CAST: variants seen among roughly 807,000 people sequenced by gnomAD.
CAST encodes MIR583 host.
A neutral mutation model predicts 119.6 loss-of-function variants in CAST; 76 were observed. That is an observed-to-expected ratio of 0.64 (90% CI 0.53 to 0.77). The LOEUF (loss-of-function observed/expected upper bound fraction) is 0.77, where lower values mean the gene tolerates loss of function less well. CAST is among the 30% of genes least tolerant of loss of function. The pLI, the probability that CAST is intolerant of heterozygous loss-of-function variation, is 0.00. For synonymous variants in CAST, 319 were observed against 331.6 expected (o/e 0.96, Z 0.41); for missense variants, 953 against 946.5 (o/e 1.01, Z -0.09).
At chr5:96,419,036 A>G in the CAST span, among the ~76,000 whole-genome samples, 132 of 152,146 alleles carry the variant, frequency 8.7e-4, no homozygotes, top group African/African-American at 2.9e-3. Context: ...TCCAAGCCAT[A>G]TATATGTGTA....
rs10063542 is a variant in CAST, at chr5:96,640,249, G to A, written c.61-35290G>A. Among the ~76,000 whole-genome samples the A allele has an allele frequency of 9.0e-3, 1,366 of 152,286 alleles. 11 individuals are homozygous for A. Among genetic ancestry groups the A allele is most frequent in the Non-Finnish European group, 0.013 (868 of 68,020 alleles). ...GACCTTGTGGTGCTTCTTGGATTAC[G>A]CTGGGCTTTATGCATGGATAGCAGA... is the stretch of plus-strand genomic sequence containing the variant. On this transcript the variant is annotated intron_variant, in intron 1 of 11. Coordinates refer to the CAST transcript ENST00000505143.
At chr5:96,561,786 G>GTTTTTTTTTTTTTTT (rs1554067776) in intron 1 of CAST, among the ~76,000 whole-genome samples, 1 of 105,432 alleles carries the variant, frequency 9.5e-6, no homozygotes, top group Non-Finnish European at 1.9e-5. Context: ...TTATATATAT[G>GTTTTTTTTTTTTTTT]TTTTTTTTTG....
the CAST span, among the ~76,000 whole-genome samples, chr5:96,166,500 A>G: frequency 6.6e-6 from 1 of 152,204 alleles, no homozygotes; most frequent in Admixed American, 6.5e-5. Flanking sequence ...CCCAGGATAC[A>G]GAAACACCAT....
At chr5:96,592,294 G>C (rs966964339) in intron 1 of CAST, among the ~76,000 whole-genome samples, 1 of 151,978 alleles carries the variant, frequency 6.6e-6, no homozygotes, top group African/African-American at 2.4e-5. Flanking sequence ...CTAGCTGCTT[G>C]GGAGGCTGAG....
chr5:96,622,183 C>T (rs781248769), intron 1 of CAST, among the ~76,000 whole-genome samples: 20 of 151,716 alleles, frequency 1.3e-4, no homozygotes, highest in Admixed American at 7.9e-4. Flanking sequence ...TTGGCCAGGA[C>T]GGTCTCTATC....
Position 96,771,687 on chromosome 5 carries a change from C to T in CAST, c.*8C>T. The T allele has an allele frequency of 6.2e-7, 1 of 1,608,226 alleles. No individual in the cohort carries two copies. The highest frequency in any genetic ancestry group is 8.5e-7 in the Non-Finnish European group (1 of 1,175,220). ...AAGCCAAAAGATGACTAAAGAAATA[C>T]AAGTTAAGGTATCTGGTAAGTTGGG... On this transcript the variant is annotated 3_prime_UTR_variant, in exon 31 of 32. Coordinates refer to ENST00000675179, the MANE Select transcript of CAST (RefSeq NM_001750.7).
At chr5:96,752,933 T>G (rs953504255) in intron 20 of CAST, among the ~76,000 whole-genome samples, 2 of 150,650 alleles carry the variant, frequency 1.3e-5, no homozygotes, top group African/African-American at 4.9e-5. Context: ...AGAATAGTAT[T>G]TATCCCTTCT....
At position 96,766,056 on chromosome 5, in the gene CAST, A is replaced by G. The variant is rs1561617817; in HGVS notation, c.2041A>G (p.Lys681Glu). ...NKPMEDKVKE[K>E]AKAEHRDKLG... ...TATCTGCTCACTGTTGATATAGGAA[A>G]AAGCTAAAGCTGAACATAGAGACAA... The change falls in exon 27 of 32, where the codon AAA becomes GAA. Residue 681 changes from lysine (K) to glutamate (E), a missense_variant. Transcript: ENST00000675179. The G allele has an allele frequency of 1.3e-6, 2 of 1,586,738 alleles. No individual in the cohort carries two copies. Among genetic ancestry groups the G allele is most frequent in the Admixed American group, 1.7e-5 (1 of 59,208 alleles).
the CAST span, among the ~76,000 whole-genome samples, chr5:96,045,798 G>A: frequency 6.6e-6 from 1 of 152,008 alleles, no homozygotes. Flanking sequence ...TAACCATGAT[G>A]TCCTATTGCC....
the CAST span, among the ~76,000 whole-genome samples, chr5:96,450,096 A>G: frequency 6.6e-6 from 1 of 152,218 alleles, no homozygotes; most frequent in Admixed American, 6.5e-5. Context: ...ATTTTTATCA[A>G]ATGCACTTGT....
intron 1 of CAST, among the ~76,000 whole-genome samples, chr5:96,533,661 C>T (rs1203228509): frequency 6.6e-6 from 1 of 152,080 alleles, no homozygotes; most frequent in Admixed American, 6.6e-5. Flanking sequence ...CCATGCACTT[C>T]CATAGAAAAA....
At chr5:96,766,651 CA>C (rs1770081503) in intron 27 of CAST, among the ~76,000 whole-genome samples, 1 of 152,140 alleles carries the variant, frequency 6.6e-6, no homozygotes, top group Admixed American at 6.6e-5. Context: ...GTTTCTCTGC[CA>C]AAAAGTCCCT....
At chr5:96,295,183 T>A in the CAST span, among the ~76,000 whole-genome samples, 1 of 152,228 alleles carries the variant, frequency 6.6e-6, no homozygotes, top group Non-Finnish European at 1.5e-5. Flanking sequence ...AATTGTTACC[T>A]TGAGTAACTA....
chr5:96,201,584 A>G, the CAST span, among the ~76,000 whole-genome samples: 125 of 152,074 alleles, frequency 8.2e-4, no homozygotes, highest in South Asian at 4.6e-3. Context: ...CAATGTGTCC[A>G]CTCATCCCCA....
At chr5:96,266,987 A>G in the CAST span, among the ~76,000 whole-genome samples, 1 of 152,248 alleles carries the variant, frequency 6.6e-6, no homozygotes, top group East Asian at 1.9e-4. Context: ...ACTTTTAAAA[A>G]TCAAACAGAG....
intron 1 of CAST, among the ~76,000 whole-genome samples, chr5:96,639,895 C>G (rs6872489): frequency 0.15 from 23,391 of 152,108 alleles, 1,970 homozygotes; most frequent in East Asian, 0.22. Context: ...TCCAGGAAGC[C>G]TGGACCTTCT....
At chr5:96,499,555 A>G in the CAST span, among the ~76,000 whole-genome samples, 144,598 of 152,320 alleles carry the variant, frequency 0.95, 69,099 homozygotes, top group East Asian at 1. Flanking sequence ...CAGGGTGGTG[A>G]TTGCTGAAGA....
Position 96,611,735 on chromosome 5 carries a change from TACTTA to T in CAST, c.61-63797_61-63793del, listed in dbSNP as rs372690123. Reference sequence around the variant, plus strand: ...ACAAAGGACTAATATTCAGAATCTATACTTAACTTAAATCAACAAGAAAAAACCCA... The same window carrying T: ...ACAAAGGACTAATATTCAGAATCTATACTTAAATCAACAAGAAAAAACCCA... On this transcript the variant is annotated intron_variant, in intron 1 of 11. Transcript: ENST00000505143. 4.7e-3 allele frequency among the ~76,000 whole-genome samples: 711 copies of T among 152,072 alleles called. 5 individuals are homozygous for T. Among genetic ancestry groups the T allele is most frequent in the Middle Eastern group, 0.014 (4 of 292 alleles).
chr5:96,367,406 T>C, the CAST span, among the ~76,000 whole-genome samples: 1 of 152,114 alleles, frequency 6.6e-6, no homozygotes, highest in East Asian at 1.9e-4. Context: ...TCTTTGGCTA[T>C]GCCCTGCCAC....
Sources: allele counts gnomAD v4.1 joint callset (sites outside exome capture counted in the v4.1 genomes callset), GRCh38; gene constraint gnomAD v4.1.1; transcripts MANE v1.5; gene names NCBI Gene and HGNC (gene_info 2026-07-23, HGNC 2026-07-21).